The following TNC variants were observed in gnomAD, a reference collection of about 807,000 sequenced individuals.
TNC encodes tenascin C.
In TNC, 109 loss-of-function variants were observed where a neutral mutation model predicts 202.4. That is an observed-to-expected ratio of 0.54 (90% confidence interval 0.46 to 0.63). TNC has a LOEUF of 0.63. TNC is among the 30% of genes least tolerant of loss of function. The pLI is 0.00. For synonymous variants in TNC, 1,007 were observed against 1,089.7 expected (o/e 0.92, Z 1.50); for missense variants, 2,756 against 2,833.3 (o/e 0.97, Z 0.62).
intron 10 of TNC, 73 bp downstream of exon 10, chr9:115,073,530 G>A: frequency 6.5e-7 from 1 of 1,541,228 alleles, no homozygotes. Context: ...CTCATGTGAG[G>A]ACACCCTGGC....
intron 24 of TNC, among the ~76,000 whole-genome samples, chr9:115,029,896 T>C (rs982262494): frequency 5.3e-5 from 8 of 152,240 alleles, no homozygotes; most frequent in Admixed American, 3.9e-4. Context: ...TAATTCATCT[T>C]AAACTCTTAG....
chr9:115,031,452 G>A, intron 23 of TNC, 101 bp downstream of exon 23: 3 of 1,292,548 alleles, frequency 2.3e-6, no homozygotes, highest in South Asian at 4.1e-5. Flanking sequence ...TCTTTTCAGA[G>A]GTTTGTTTGA....
Position 115,073,857 on chromosome 9 carries a change from G to C in TNC, c.2960C>G (p.Thr987Arg). The C allele has an allele frequency of 6.2e-7, 1 of 1,610,026 alleles. No individual in the cohort carries two copies. Among genetic ancestry groups the C allele is most frequent in the Non-Finnish European group, 8.5e-7 (1 of 1,179,944 alleles). The part of the protein sequence containing the change: ...ATINAATELD[T>R]PKDLQVSETA... ...TTCAGAAACCTGAAGGTCCTTGGGC[G>C]TGTCCAACTCTGGGAGGAGAACAGA... Residue 987 changes from threonine to arginine, a missense_variant, in exon 10 of 28, where the codon ACG (threonine) becomes AGG (arginine). Physicochemically the swap from Thr to Arg is moderately conservative, Grantham distance 71. Coordinates refer to ENST00000350763, the MANE Select transcript of TNC (RefSeq NM_002160.4).
At position 115,107,804 on chromosome 9, in the gene TNC, A is replaced by G. The variant is rs79607714; in HGVS notation, c.-137+10178T>C. Among the ~76,000 whole-genome samples, 1,315 of 152,352 alleles carry G rather than the reference A, an allele frequency of 8.6e-3. 20 individuals carry two copies. Among genetic ancestry groups the G allele is most frequent in the African/African-American group, 0.03 (1,267 of 41,578 alleles). On this transcript the variant is annotated intron_variant, in intron 1 of 27. Transcript: ENST00000350763. ...CCATAAAGAAAGAGATCAGCATTCA[A>G]GTGGATGAACTCACTTTCCATTTCC... is the stretch of plus-strand genomic sequence containing the variant.
chr9:115,040,152 CTAGGAAAGG>C (rs1830621053), intron 19 of TNC, among the ~76,000 whole-genome samples: 1 of 152,142 alleles, frequency 6.6e-6, no homozygotes, highest in Admixed American at 6.5e-5. Context: ...TCAGGTTACA[CTAGGAAAGG>C]AACTCTTTAT....
intron 26 of TNC, among the ~76,000 whole-genome samples, chr9:115,026,137 G>C (rs1449585364): frequency 4.6e-5 from 7 of 152,220 alleles, no homozygotes; most frequent in Admixed American, 4.6e-4. Context: ...AGCATCTGGA[G>C]ATTCACAAGA....
chr9:115,041,187 C>A (rs971429908), intron 18 of TNC, 103 bp from the exon 19 acceptor site: 3 of 1,284,602 alleles, frequency 2.3e-6, no homozygotes, highest in Non-Finnish European at 3.2e-6. Flanking sequence ...GAAACTATAT[C>A]TTCATCAAAC....
rs922359277 is a variant in TNC, at chr9:115,021,099, G to T, written c.*58C>A. On this transcript the variant is annotated 3_prime_UTR_variant, in exon 28 of 28. Transcript: ENST00000350763. ...TTGGGCTGGTTGTATTGATGCTTTG[G>T]TAAAATCCTTTCCTCGCTCTGGGCC... 147 of 1,422,892 alleles carry T rather than the reference G, an allele frequency of 1.0e-4. No individual in the cohort carries two copies. The highest frequency in any genetic ancestry group is 1.4e-4 in the Non-Finnish European group (143 of 1,011,736). The allele number at this position is 1,422,892 out of a possible 1,614,324, so 88.1% of individuals were successfully genotyped here.
At chr9:115,114,584 T>G (rs909239244) in intron 1 of TNC, among the ~76,000 whole-genome samples, 3 of 152,200 alleles carry the variant, frequency 2.0e-5, no homozygotes, top group Non-Finnish European at 4.4e-5. Context: ...AAATGATACA[T>G]GCAGGGCTAT....
At position 115,041,303 on chromosome 9, in the gene TNC, GA is replaced by G. The variant is rs369356676; in HGVS notation, c.5249-220del. On this transcript the variant is annotated intron_variant, in intron 18 of 27. Coordinates refer to ENST00000350763, the MANE Select transcript of TNC (RefSeq NM_002160.4). ...GTGCAGATGCCAAAAACAAAGCCAGGAGGGGCGGGGGAAAACATGAAGTCAC... is the reference window on the plus strand; with the variant it reads ...GTGCAGATGCCAAAAACAAAGCCAGGGGGGCGGGGGAAAACATGAAGTCAC... Among the ~76,000 whole-genome samples the G allele has an allele frequency of 0.094, 8,600 of 91,612 alleles. 732 individuals are homozygous for G. Among genetic ancestry groups the G allele is most frequent in the African/African-American group, 0.2 (5,851 of 28,642 alleles). 60.1% of individuals were successfully genotyped at this position (91,612 alleles called of 152,430 possible).
chr9:115,081,807 G>C lies in TNC; in HGVS notation c.2369C>G (p.Thr790Ser), dbSNP rs1280072074. The C allele has an allele frequency of 1.2e-6, 2 of 1,613,596 alleles. No homozygotes were observed. Among genetic ancestry groups the C allele is most frequent in the African/African-American group, 1.3e-5 (1 of 74,870 alleles). ...EISLHIVKNN[T>S]RGPGLKRVTT... ...CACCCTCTTCAGGCCAGGGCCCCGG[G>C]TATTGTTTTTCACTATGTGCAGAGA... is the stretch of plus-strand genomic sequence containing the variant. The change falls in exon 6 of 28, where the codon ACC becomes AGC. Residue 790 changes from threonine to serine, a missense_variant. Transcript: ENST00000350763.
At chr9:115,096,814 T>C (rs1264751382) in intron 1 of TNC, among the ~76,000 whole-genome samples, 1 of 152,170 alleles carries the variant, frequency 6.6e-6, no homozygotes, top group Non-Finnish European at 1.5e-5. Flanking sequence ...CAGCATCTTT[T>C]CCCCCAGCCT....
At chr9:115,070,128 T>C (rs1276878868) in intron 10 of TNC, among the ~76,000 whole-genome samples, 1 of 152,028 alleles carries the variant, frequency 6.6e-6, no homozygotes, top group African/African-American at 2.4e-5. Context: ...AGGCAGGCCA[T>C]AGATATTATA....
intron 1 of TNC, among the ~76,000 whole-genome samples, chr9:115,105,985 C>T (rs1311299013): frequency 6.6e-6 from 1 of 152,040 alleles, no homozygotes; most frequent in East Asian, 1.9e-4. Context: ...GGATGGCACA[C>T]GATGGGGGAA....
intron 3 of TNC, among the ~76,000 whole-genome samples, chr9:115,085,499 G>C (rs1250343552): frequency 6.6e-6 from 1 of 152,162 alleles, no homozygotes; most frequent in Non-Finnish European, 1.5e-5. Flanking sequence ...AAAAGAGAGA[G>C]TATCCCTTTA....
At chr9:115,031,299 A>G (rs1021754620) in intron 23 of TNC, among the ~76,000 whole-genome samples, 22 of 152,204 alleles carry the variant, frequency 1.4e-4, no homozygotes, top group Non-Finnish European at 2.9e-5. Flanking sequence ...TATAGGATGG[A>G]AGTAGCATTC....
At chr9:115,090,440 T>C (rs1194859774) in intron 2 of TNC, 122 bp downstream of exon 2, 1 of 752,770 alleles carries the variant, frequency 1.3e-6, no homozygotes, top group African/African-American at 1.7e-5. Context: ...CTCTTTGTAA[T>C]GAACACTCTG....
intron 4 of TNC, among the ~76,000 whole-genome samples, chr9:115,083,978 T>C (rs1564114469): frequency 6.6e-6 from 1 of 152,218 alleles, no homozygotes. Flanking sequence ...TTGCTAAATG[T>C]TACTTGTAAT....
At chr9:115,071,791 C>T (rs7032224) in intron 10 of TNC, among the ~76,000 whole-genome samples, 119,299 of 152,094 alleles carry the variant, frequency 0.78, 47,396 homozygotes, top group African/African-American at 0.92. Context: ...ATCTTTTGGG[C>T]ATTTCTGATT....
Sources: gnomAD v4.1 joint callset for allele counts (sites outside exome capture counted in the v4.1 genomes callset) on GRCh38, gnomAD v4.1.1 for gene constraint, MANE v1.5 for transcripts, NCBI Gene and HGNC (gene_info 2026-07-23, HGNC 2026-07-21) for gene names.